RBP5: variants seen among roughly 807,000 people sequenced by gnomAD.
RBP5 encodes retinol binding protein 5.
RBP5 carries 12 observed loss-of-function variants against 17.8 expected under a neutral mutation model. The observed-to-expected ratio is 0.67, with a 90% CI of 0.43 to 1.09. The LOEUF (loss-of-function observed/expected upper bound fraction) is 1.09, where lower values mean the gene tolerates loss of function less well. Among genes scored for constraint, RBP5 ranks in the 50% least tolerant of loss-of-function variants. The pLI is 0.00. For synonymous variants in RBP5, 64 were observed against 68.1 expected (o/e 0.94, Z 0.30); for missense variants, 172 against 169.4 (o/e 1.02, Z -0.09).
In RBP5 at chr12:7,124,299, G is replaced by T; in HGVS notation, c.355-125C>A. ...ACAGCAGCTTGAGTGTTTGATGTAT[G>T]GGCAATTGTATCATTATTCCACATC... On this transcript the variant is annotated intron_variant, in intron 3 of 3. Transcript: ENST00000266560. The surrounding 1 kb of genome is among the most constrained non-coding windows in gnomAD (Gnocchi z 5.3). The T allele has an allele frequency of 1.2e-6, 1 of 811,320 alleles. No homozygotes were observed. The highest frequency in any genetic ancestry group is 2.1e-6 in the Non-Finnish European group (1 of 479,976). The allele number at this position is 811,320 out of a possible 1,614,324, so 50.3% of individuals were successfully genotyped here.
rs774002882 is a variant in RBP5, at chr12:7,128,676, A to G, written c.73+27T>C. 6.4e-7 allele frequency: 1 copy of G among 1,551,246 alleles called. No homozygotes were observed. Among genetic ancestry groups the G allele is most frequent in the Non-Finnish European group, 8.8e-7 (1 of 1,137,000 alleles). On this transcript the variant is annotated intron_variant, in intron 1 of 3. Coordinates refer to ENST00000266560, the MANE Select transcript of RBP5 (RefSeq NM_031491.4). The surrounding 1 kb of genome is among the most constrained non-coding windows in gnomAD (Gnocchi z 5.3). ...AGGAAGAGGGGAGAAAGGGAGTGAC[A>G]GGGGTCTGGGAGGGCGAGGCCATTA...
chr12:7,118,348 A>G (rs1939032567), intron 3 of RBP5: 1 of 152,380 alleles, frequency 6.6e-6, no homozygotes, highest in Non-Finnish European at 1.5e-5. Context: ...GGTGGGAAAG[A>G]CAAGACAGAA....
In RBP5 at chr12:7,117,531, C is replaced by T. The variant is rs1939020756; in HGVS notation, n.890-224G>A. 6.6e-6 allele frequency: 1 copy of T among 152,132 alleles called. No individual in the cohort carries two copies. The highest frequency in any genetic ancestry group is 1.5e-5 in the Non-Finnish European group (1 of 68,026). 9.4% of individuals were successfully genotyped at this position (152,132 alleles called of 1,614,324 possible). A position where few individuals can be genotyped will look rare whatever the true frequency, so the allele number is the denominator to read the frequency against. On this transcript the variant is annotated intron_variant and non_coding_transcript_variant, in intron 3 of 3. Transcript: ENST00000619522. The surrounding 1 kb of genome is among the most constrained non-coding windows in gnomAD (Gnocchi z 4.9). ...GGGCTCTGACCCTCTCCTCCTCCAC[C>T]TTGAGATCTGTAGAGGCCTCTCGTT... is the stretch of plus-strand genomic sequence containing the variant.
upstream of RBP5, chr12:7,129,852 G>A (rs1479289719): frequency 1.6e-5 from 16 of 971,902 alleles, no homozygotes; most frequent in Non-Finnish European, 1.8e-5. This position sits in a 1 kb window ranked among gnomAD's most constrained non-coding sequence, Gnocchi z 5.5. Flanking sequence ...GGTGCACGAC[G>A]TCCTGCCCCT....
chr12:7,121,996 T>C (rs746425837), downstream of RBP5: 160 of 154,392 alleles, frequency 1.0e-3, 1 homozygote, highest in Admixed American at 2.7e-3. Flanking sequence ...CCTCTGGTGA[T>C]TATCTCTTCC....
downstream of RBP5, among the ~76,000 whole-genome samples, chr12:7,120,167 G>T (rs192333562): frequency 1.2e-3 from 186 of 152,182 alleles, no homozygotes; most frequent in Middle Eastern, 0.01. Context: ...CTAGATGGTG[G>T]GTCAAGAAGC....
chr12:7,119,187 C>T (rs765427580), downstream of RBP5, among the ~76,000 whole-genome samples: 48 of 99,334 alleles, frequency 4.8e-4, no homozygotes, highest in Non-Finnish European at 7.8e-4. Context: ...GATAGCAGTA[C>T]GTACTGTGGG....
At chr12:7,122,340 G>T (rs1028011738), downstream of RBP5, 1 of 152,220 alleles carries the variant, frequency 6.6e-6, no homozygotes, top group African/African-American at 2.4e-5. Flanking sequence ...TTTGGGTGTG[G>T]TCTGGCCCCT....
At position 7,128,396 on chromosome 12, in the gene RBP5, C is replaced by A. The variant is rs764716132; in HGVS notation, c.96G>T (p.Lys32Asn). Residue 32 changes from lysine (K) to asparagine (N), a missense_variant, in exon 2 of 4, where the codon AAG (lysine) becomes AAT (asparagine). By Grantham distance (94) the Lys-to-Asn change is moderately conservative (BLOSUM62 0). Transcript: ENST00000266560. The surrounding 1 kb of genome is among the most constrained non-coding windows in gnomAD (Gnocchi z 5.3). The part of the protein sequence containing the change: ...QALNISLAVR[K>N]IALLLKPDKE... ...TGTCCGGCTTCAGCAGCAGCGCGAT[C>A]TTCCGCACAGCCAAGCTGATGTCTG... is the stretch of plus-strand genomic sequence containing the variant. 1.4e-5 allele frequency: 23 copies of A among 1,614,176 alleles called. No homozygotes were observed. Among genetic ancestry groups the A allele is most frequent in the Non-Finnish European group, 1.9e-5 (23 of 1,179,988 alleles).
At chr12:7,118,701 T>A (rs1043657267), downstream of RBP5, 1 of 152,110 alleles carries the variant, frequency 6.6e-6, no homozygotes, top group Non-Finnish European at 1.5e-5. Context: ...CTATGACTCA[T>A]CTGTAGGGCA....
upstream of RBP5, chr12:7,129,874 A>G (rs1939245638): frequency 1.1e-6 from 1 of 943,092 alleles, no homozygotes; most frequent in African/African-American, 1.8e-5. This position sits in a 1 kb window ranked among gnomAD's most constrained non-coding sequence, Gnocchi z 5.5. Context: ...CTTGGGTCCC[A>G]GAGCCTCGAT....
At chr12:7,123,178 C>G (rs1453233888), downstream of RBP5, among the ~76,000 whole-genome samples, 1 of 152,180 alleles carries the variant, frequency 6.6e-6, no homozygotes, top group Non-Finnish European at 1.5e-5. Flanking sequence ...GGCCTTGACC[C>G]TGAGCCAGCT....
In RBP5 at chr12:7,124,719, G is replaced by T. The variant is rs1022828114; in HGVS notation, c.264C>A (p.Thr88=). Residue 88 remains threonine, a synonymous_variant, in exon 3 of 4, where the codon ACC becomes ACA. Transcript: ENST00000266560. The surrounding 1 kb of genome is among the most constrained non-coding windows in gnomAD (Gnocchi z 5.3). ...VDGRKCQTIV[T]WEEEHLVCVQ... The stretch of plus-strand genomic sequence containing the variant: ...CACACACCAGGTGCTCCTCCTCCCA[G>T]GTTACTATGGTCTATAGGGGAAAGA... 7.5e-6 allele frequency: 12 copies of T among 1,606,460 alleles called. No homozygotes were observed. Among genetic ancestry groups the T allele is most frequent in the Non-Finnish European group, 9.4e-6 (11 of 1,173,254 alleles).
chr12:7,123,372 T>C (rs1364261187), downstream of RBP5, among the ~76,000 whole-genome samples: 1 of 152,242 alleles, frequency 6.6e-6, no homozygotes, highest in African/African-American at 2.4e-5. Context: ...TTCCTTGACC[T>C]CACATCCTCC....
chr12:7,127,684 C>T, intron 2 of RBP5: 1 of 702,358 alleles, frequency 1.4e-6, no homozygotes, highest in Non-Finnish European at 2.6e-6. Context: ...GGAGATGGCT[C>T]TGGCTGGAGA....
At position 7,123,925 on chromosome 12, in the gene RBP5, G is replaced by A. The variant is rs1939117041; in HGVS notation, c.*196C>T. Reference sequence around the variant, plus strand: ...CTGGAAGTGAGGTCACTATTGGGCAGTGGAGTGTGAGAAAGGACTTTGGCC... The same window carrying A: ...CTGGAAGTGAGGTCACTATTGGGCAATGGAGTGTGAGAAAGGACTTTGGCC... On this transcript the variant is annotated 3_prime_UTR_variant, in exon 4 of 4. Transcript: ENST00000266560. The A allele has an allele frequency of 1.2e-5, 7 of 596,814 alleles. No homozygotes were observed. Among genetic ancestry groups the A allele is most frequent in the East Asian group, 8.4e-5 (3 of 35,726 alleles). The allele number at this position is 596,814 out of a possible 1,614,324, so 37.0% of individuals were successfully genotyped here. A position where few individuals can be genotyped will look rare whatever the true frequency, so the allele number is the denominator to read the frequency against.
At chr12:7,128,972 C>A, upstream of RBP5, 1 of 576,682 alleles carries the variant, frequency 1.7e-6, no homozygotes, top group Non-Finnish European at 3.2e-6. This position sits in a 1 kb window ranked among gnomAD's most constrained non-coding sequence, Gnocchi z 5.3. Flanking sequence ...TCCCTCCCCG[C>A]ATGGTGAGTT....
At chr12:7,128,907 AG>A (rs1939227859), upstream of RBP5, 3 of 754,160 alleles carry the variant, frequency 4.0e-6, no homozygotes, top group East Asian at 8.3e-5. The surrounding 1 kb of genome is among the most constrained non-coding windows in gnomAD (Gnocchi z 5.3). Flanking sequence ...CCGGGTTACC[AG>A]GGCTTTTTAT....
rs1202337579 is a variant in RBP5 at position 7,117,104 on chromosome 12, A to G, written n.1093T>C. 1 of 152,160 alleles carries G rather than the reference A, an allele frequency of 6.6e-6. No individual in the cohort carries two copies. The highest frequency in any genetic ancestry group is 1.5e-5 in the Non-Finnish European group (1 of 68,034). 9.4% of individuals were successfully genotyped at this position (152,160 alleles called of 1,614,324 possible). ...GGTCTGCTTCCAGACGGTCACTCAC[A>G]TGGATGTGGGCAGGCGGCCTCAGTT... On this transcript the variant is annotated non_coding_transcript_exon_variant, in exon 4 of 4. Coordinates refer to the RBP5 transcript ENST00000619522. The surrounding 1 kb of genome is among the most constrained non-coding windows in gnomAD (Gnocchi z 4.9).
Sources: allele counts gnomAD v4.1 joint callset (sites outside exome capture counted in the v4.1 genomes callset), GRCh38; gene constraint gnomAD v4.1.1; non-coding constraint Gnocchi (gnomAD v3.1); transcripts MANE v1.5; gene names NCBI Gene and HGNC (gene_info 2026-07-23, HGNC 2026-07-21).